The following SESTD1 variants were observed in gnomAD, a reference collection of about 807,000 sequenced individuals.
The protein encoded by SESTD1 is SEC14 domain and spectrin repeat-containing protein 1.
In SESTD1, 43 loss-of-function variants were observed where a neutral mutation model predicts 101.7. The ratio of observed to expected loss-of-function variants is 0.42; its 90% CI spans 0.33 to 0.55. SESTD1 has a LOEUF of 0.55. Ranked by LOEUF, SESTD1 falls within the 20% of genes least tolerant of loss-of-function variation. The pLI is 0.07. For missense variants in SESTD1, 647 were observed against 815.1 expected, an observed-to-expected ratio of 0.79 and a Z score of 2.51; for synonymous variants, 283 against 286.8, an observed-to-expected ratio of 0.99 and a Z score of 0.13.
chr2:179,257,980 C>T (rs2047424923), intron 1 of SESTD1, among the ~76,000 whole-genome samples: 1 of 152,202 alleles, frequency 6.6e-6, no homozygotes, highest in Non-Finnish European at 1.5e-5. Context: ...AGACCTATGA[C>T]ACCTTACCAA....
chr2:179,230,113 C>CTCTCTTTTTTT (rs2046962437), intron 1 of SESTD1, among the ~76,000 whole-genome samples: 1 of 56,404 alleles, frequency 1.8e-5, no homozygotes, highest in Non-Finnish European at 3.3e-5. Context: ...GATTGTATCT[C>CTCTCTTTTTTT]TTTTTTTTTT....
intron 1 of SESTD1, among the ~76,000 whole-genome samples, chr2:179,205,197 C>CTTTTTTTTTTTTTTTTT (rs562590131): frequency 8.7e-6 from 1 of 114,950 alleles, no homozygotes; most frequent in African/African-American, 3.6e-5. Flanking sequence ...ACACTTAAGG[C>CTTTTTTTTTTTTTTTTT]TTTTTTTTTT....
At chr2:179,243,770 G>C (rs923929292) in intron 1 of SESTD1, among the ~76,000 whole-genome samples, 4 of 151,726 alleles carry the variant, frequency 2.6e-5, no homozygotes, top group African/African-American at 9.7e-5. Context: ...GAGGGTGGGT[G>C]GGGGCTAAGG....
chr2:179,260,254 A>G (rs990449920), intron 1 of SESTD1, among the ~76,000 whole-genome samples: 4 of 152,228 alleles, frequency 2.6e-5, no homozygotes, highest in Non-Finnish European at 4.4e-5. Context: ...AAAACGGGCC[A>G]GGTGCAATGG....
intron 1 of SESTD1, among the ~76,000 whole-genome samples, chr2:179,240,579 A>G (rs530443622): frequency 2.0e-5 from 3 of 152,296 alleles, no homozygotes; most frequent in African/African-American, 7.2e-5. Context: ...ATAAAGCCCC[A>G]ACAAAAGCCG....
At chr2:179,189,535 AC>A (rs1367640553) in intron 2 of SESTD1, among the ~76,000 whole-genome samples, 10 of 152,150 alleles carry the variant, frequency 6.6e-5, no homozygotes, top group Non-Finnish European at 1.3e-4. Flanking sequence ...CACTCTCACC[AC>A]TTGTATTCAA....
chr2:179,154,411 C>T (rs1245061535), intron 5 of SESTD1, among the ~76,000 whole-genome samples: 1 of 151,996 alleles, frequency 6.6e-6, no homozygotes, highest in Non-Finnish European at 1.5e-5. Flanking sequence ...ATAAGTTTCT[C>T]ATTATAAAAT....
chr2:179,140,103 C>T (rs770451494), intron 9 of SESTD1, among the ~76,000 whole-genome samples: 2 of 152,076 alleles, frequency 1.3e-5, no homozygotes, highest in Non-Finnish European at 2.9e-5. Context: ...ATTAATTATT[C>T]CTTCTCTCTT....
intron 10 of SESTD1, among the ~76,000 whole-genome samples, chr2:179,130,532 A>C (rs1283611256): frequency 6.6e-6 from 1 of 152,108 alleles, no homozygotes; most frequent in South Asian, 2.1e-4. Context: ...ACGCAATATG[A>C]AATTTGCTTT....
intron 1 of SESTD1, among the ~76,000 whole-genome samples, chr2:179,226,101 C>A (rs1050754857): frequency 5.3e-5 from 8 of 152,120 alleles, no homozygotes; most frequent in Non-Finnish European, 1.0e-4. Flanking sequence ...TTAAACATAT[C>A]AAAAATGTAT....
Position 179,241,391 on chromosome 2 carries a change from A to C in SESTD1, c.-26+23108T>G, listed in dbSNP as rs183012054. Among the ~76,000 whole-genome samples, 61 of 152,274 alleles carry C rather than the reference A, an allele frequency of 4.0e-4. No individual in the cohort carries two copies. The East Asian group carries it at 4.8e-3, about 12-fold the overall frequency. ...AGCGGAAAGAGGAGGGACACACACA[A>C]AAAAAATCTGTGCCAAGTTACACCC... On this transcript the variant is annotated intron_variant, in intron 1 of 17. Coordinates refer to ENST00000428443, the MANE Select transcript of SESTD1 (RefSeq NM_178123.5).
chr2:179,232,138 T>A (rs1328428957), intron 1 of SESTD1, among the ~76,000 whole-genome samples: 1 of 152,046 alleles, frequency 6.6e-6, no homozygotes, highest in Non-Finnish European at 1.5e-5. Context: ...AACAGTATAT[T>A]TTATGAAGTA....
At position 179,147,365 on chromosome 2, in the gene SESTD1, G is replaced by T. The variant is rs867676962; in HGVS notation, c.582-908C>A. Reference sequence around the variant, plus strand: ...CTGAACAAGATATGTTTGTTTTTTTGTTTTTTTTTTTTTTGAGACGGAGTC... The same window carrying T: ...CTGAACAAGATATGTTTGTTTTTTTTTTTTTTTTTTTTTTGAGACGGAGTC... On this transcript the variant is annotated intron_variant, in intron 7 of 17. Coordinates refer to ENST00000428443, the MANE Select transcript of SESTD1 (RefSeq NM_178123.5). Among the ~76,000 whole-genome samples the T allele has an allele frequency of 5.0e-4, 70 of 141,178 alleles. No homozygotes were observed. In the Middle Eastern group the frequency reaches 0.012, roughly 24 times the overall value. 92.6% of individuals were successfully genotyped at this position (141,178 alleles called of 152,430 possible). A position where few individuals can be genotyped will look rare whatever the true frequency, so the allele number is the denominator to read the frequency against.
intron 5 of SESTD1, 91 bp from the exon 6 acceptor site, chr2:179,151,482 C>T: frequency 1.4e-6 from 1 of 735,454 alleles, no homozygotes; most frequent in Non-Finnish European, 2.1e-6. Flanking sequence ...TTAAAATATG[C>T]AATATTGTTT....
At chr2:179,197,581 G>A (rs1401435409) in intron 1 of SESTD1, among the ~76,000 whole-genome samples, 7 of 152,218 alleles carry the variant, frequency 4.6e-5, no homozygotes, top group Non-Finnish European at 8.8e-5. Context: ...TACCCTCAAA[G>A]GGAAGCCCAT....
At chr2:179,238,066 A>G (rs781369407) in intron 1 of SESTD1, among the ~76,000 whole-genome samples, 6 of 152,242 alleles carry the variant, frequency 3.9e-5, no homozygotes, top group Admixed American at 6.5e-5. Context: ...ACTATATACA[A>G]TATTCTTACA....
rs1291551750 is a variant in SESTD1 at position 179,210,024 on chromosome 2, T to C, written c.-25-18158A>G. ...GCTCAATTAGAAATGAAATGGGAGATATTATAACCGAGATCATTCAAGGCT... is the reference window on the plus strand; with the variant it reads ...GCTCAATTAGAAATGAAATGGGAGACATTATAACCGAGATCATTCAAGGCT... On this transcript the variant is annotated intron_variant, in intron 1 of 17. Transcript: ENST00000428443. Among the ~76,000 whole-genome samples the C allele has an allele frequency of 1.5e-5, 2 of 131,536 alleles. 1 individual carries two copies. Among genetic ancestry groups the C allele is most frequent in the Non-Finnish European group, 3.3e-5 (2 of 61,418 alleles). The allele number at this position is 131,536 out of a possible 152,430, so 86.3% of individuals were successfully genotyped here. A position where few individuals can be genotyped will look rare whatever the true frequency, so the allele number is the denominator to read the frequency against.
intron 9 of SESTD1, among the ~76,000 whole-genome samples, chr2:179,133,626 C>G (rs1007249804): frequency 6.6e-6 from 1 of 152,190 alleles, no homozygotes; most frequent in African/African-American, 2.4e-5. Flanking sequence ...AATCTAAACT[C>G]AGGATAGCTC....
chr2:179,102,114 G>A lies in SESTD1; in HGVS notation c.*7785C>T, dbSNP rs2044285546. 1 of 152,030 alleles carries A rather than the reference G, an allele frequency of 6.6e-6. No homozygotes were observed. Among genetic ancestry groups the A allele is most frequent in the Non-Finnish European group, 1.5e-5 (1 of 68,002 alleles). The allele number at this position is 152,030 out of a possible 1,614,324, so 9.4% of individuals were successfully genotyped here. A position where few individuals can be genotyped will look rare whatever the true frequency, so the allele number is the denominator to read the frequency against. On this transcript the variant is annotated 3_prime_UTR_variant, in exon 18 of 18. Transcript: ENST00000428443. ...AAATGGACTTCTCAGTAGGAACAAT[G>A]GAAATTTCACCACTGTCTATTATGG...
Sources: allele counts gnomAD v4.1 joint callset (sites outside exome capture counted in the v4.1 genomes callset), GRCh38; gene constraint gnomAD v4.1.1; transcripts MANE v1.5; gene names NCBI Gene and HGNC (gene_info 2026-07-23, HGNC 2026-07-21).